Variants in FLT3 observed in about 807,000 individuals in gnomAD.
The protein encoded by FLT3 is receptor-type tyrosine-protein kinase FLT3.
A neutral mutation model predicts 126.6 loss-of-function variants in FLT3; 46 were observed. The ratio of observed to expected loss-of-function variants is 0.36; its 90% CI spans 0.29 to 0.46. The LOEUF (loss-of-function observed/expected upper bound fraction) is 0.46. Ranked by LOEUF, FLT3 falls within the 20% of genes least tolerant of loss-of-function variation. FLT3 has a pLI of 1.00. For missense variants in FLT3, 1,069 were observed against 1,190.3 expected (o/e 0.90, Z 1.50); for synonymous variants, 404 against 434.4 (o/e 0.93, Z 0.87).
At chr13:28,091,301 A>T (rs952894018) in intron 1 of FLT3, among the ~76,000 whole-genome samples, 3 of 127,750 alleles carry the variant, frequency 2.3e-5, no homozygotes, top group East Asian at 2.3e-4. Flanking sequence ...GGCTCACTGC[A>T]AGCTCCGCCT....
chr13:28,038,865 A>T (rs1332851730), intron 9 of FLT3, among the ~76,000 whole-genome samples: 1 of 152,174 alleles, frequency 6.6e-6, no homozygotes, highest in Non-Finnish European at 1.5e-5. Flanking sequence ...AGACCTAAAA[A>T]GTAGGTAGCT....
At chr13:28,048,958 T>C (rs1234153690) in intron 8 of FLT3, among the ~76,000 whole-genome samples, 1 of 152,220 alleles carries the variant, frequency 6.6e-6, no homozygotes, top group Non-Finnish European at 1.5e-5. Context: ...AAAATTTCAG[T>C]GCATCTAAGG....
In FLT3 at chr13:28,088,487, C is replaced by T. The variant is rs150304683; in HGVS notation, c.43+11981G>A. 5.7e-3 allele frequency among the ~76,000 whole-genome samples: 864 copies of T among 151,942 alleles called. 11 individuals carry two copies. The highest frequency in any genetic ancestry group is 0.02 in the African/African-American group (818 of 41,468). ...ATTTTTACTAGAGACAGGGTTTTGC[C>T]ATGTTGGCCAGGCTGGTCTTGAACT... On this transcript the variant is annotated intron_variant, in intron 1 of 23. Coordinates refer to ENST00000241453, the MANE Select transcript of FLT3 (RefSeq NM_004119.3).
chr13:28,055,075 C>G (rs911625690), intron 4 of FLT3, among the ~76,000 whole-genome samples: 2 of 152,032 alleles, frequency 1.3e-5, no homozygotes, highest in African/African-American at 4.8e-5. Flanking sequence ...TTTACTTTTT[C>G]TCCCTGTAAT....
intron 23 of FLT3, 42 bp downstream of exon 23, chr13:28,014,410 A>T (rs771726006): frequency 1.4e-6 from 2 of 1,381,680 alleles, no homozygotes; most frequent in Non-Finnish European, 2.1e-6. Flanking sequence ...TAATTTACCA[A>T]TTTCCTTTGT....
intron 5 of FLT3, 151 bp from the exon 6 acceptor site, chr13:28,050,373 G>C: frequency 1.4e-6 from 1 of 693,644 alleles, no homozygotes; most frequent in Non-Finnish European, 2.4e-6. Flanking sequence ...TATGGTTTCA[G>C]CTAAGAGCTC....
At chr13:28,057,317 G>A (rs772118022) in intron 4 of FLT3, 30 bp downstream of exon 4, 1 of 938,626 alleles carries the variant, frequency 1.1e-6, no homozygotes, top group Non-Finnish European at 1.8e-6. Flanking sequence ...GGTATTCCAG[G>A]CTGGAATACT....
intron 3 of FLT3, among the ~76,000 whole-genome samples, chr13:28,058,180 G>A (rs1876184960): frequency 7.3e-6 from 1 of 136,506 alleles, no homozygotes; most frequent in Admixed American, 7.9e-5. Context: ...GCCACATAGT[G>A]AGACCCTACC....
At chr13:28,062,098 C>A (rs763575237) in intron 2 of FLT3, 29 bp from the exon 3 acceptor site, 3 of 1,571,764 alleles carry the variant, frequency 1.9e-6, no homozygotes, top group South Asian at 2.2e-5. Context: ...AAAGTGAATT[C>A]ATGAAAACTG....
chr13:28,029,253 G>A (rs910393868), intron 15 of FLT3, among the ~76,000 whole-genome samples: 4 of 152,136 alleles, frequency 2.6e-5, no homozygotes, highest in Admixed American at 6.5e-5. Flanking sequence ...TTAGCCGGGC[G>A]TGCCGGTGCG....
intron 1 of FLT3, among the ~76,000 whole-genome samples, chr13:28,091,346 C>G (rs1229506715): frequency 2.0e-5 from 3 of 147,916 alleles, no homozygotes; most frequent in Non-Finnish European, 3.0e-5. Context: ...CTCAGCCTCC[C>G]GAGTAGCTGG....
At chr13:28,084,545 G>A (rs1878527168) in intron 1 of FLT3, among the ~76,000 whole-genome samples, 1 of 151,652 alleles carries the variant, frequency 6.6e-6, no homozygotes, top group Admixed American at 6.6e-5. Context: ...TTTTTGTAGA[G>A]ATGGGGATTT....
rs761166953 is a variant in FLT3 at position 28,034,692 on chromosome 13, C to T, written c.1598-285G>A. 4.6e-5 allele frequency among the ~76,000 whole-genome samples: 7 copies of T among 152,168 alleles called. No homozygotes were observed. In the East Asian group the frequency reaches 7.7e-4, roughly 17 times the overall value. ...CATCTGGTCCAGGCACGATGGCTCA[C>T]GCCTGTAGTCCCAGCACTTTGGGAG... is the stretch of plus-strand genomic sequence containing the variant. On this transcript the variant is annotated intron_variant, in intron 12 of 23. Coordinates refer to ENST00000241453, the MANE Select transcript of FLT3 (RefSeq NM_004119.3).
At chr13:28,011,751 CTCTT>C (rs1871408834) in intron 23 of FLT3, among the ~76,000 whole-genome samples, 1 of 144,052 alleles carries the variant, frequency 6.9e-6, no homozygotes, top group African/African-American at 2.6e-5. Flanking sequence ...TTTTTTTTCT[CTCTT>C]TCTCTTTCTT....
chr13:28,040,588 G>C (rs927019163), intron 9 of FLT3, among the ~76,000 whole-genome samples: 2 of 152,110 alleles, frequency 1.3e-5, no homozygotes, highest in African/African-American at 4.8e-5. Context: ...TTGAGCCCAC[G>C]TTTGTGTGAC....
At position 28,100,366 on chromosome 13, in the gene FLT3, G is replaced by A. The variant is rs1295994613; in HGVS notation, c.43+102C>T. The stretch of plus-strand genomic sequence containing the variant: ...CAATGGAAGGAGCGAGCGCGGGGAG[G>A]AGCGAGGCGGCTGGGCCGGAGGAGG... On this transcript the variant is annotated intron_variant, in intron 1 of 23. Transcript: ENST00000241453. This position sits in a 1 kb window ranked among gnomAD's most constrained non-coding sequence, Gnocchi z 4.8. The A allele has an allele frequency of 9.9e-6, 8 of 806,898 alleles. No homozygotes were observed. Among genetic ancestry groups the A allele is most frequent in the East Asian group, 3.6e-5 (1 of 27,812 alleles). 50.0% of individuals were successfully genotyped at this position (806,898 alleles called of 1,614,324 possible). A position where few individuals can be genotyped will look rare whatever the true frequency, so the allele number is the denominator to read the frequency against.
In FLT3 at chr13:28,071,128, G is replaced by A. The variant is rs1234680756; in HGVS notation, c.44-516C>T. Among the ~76,000 whole-genome samples the A allele has an allele frequency of 1.7e-4, 25 of 150,818 alleles. No homozygotes were observed. The Admixed American group carries it at 1.7e-3, about 10-fold the overall frequency. ...TCCTGTCTCAGCCTCCCGAGTGGCT[G>A]GGATTACAGGTGCCCGTCACCGTGC... On this transcript the variant is annotated intron_variant, in intron 1 of 23. Coordinates refer to ENST00000241453, the MANE Select transcript of FLT3 (RefSeq NM_004119.3).
chr13:28,091,446 C>G (rs1211533756), intron 1 of FLT3, among the ~76,000 whole-genome samples: 3 of 150,826 alleles, frequency 2.0e-5, no homozygotes, highest in Non-Finnish European at 3.0e-5. Context: ...TGGTCTCGAT[C>G]TCCTGACCTC....
intron 1 of FLT3, among the ~76,000 whole-genome samples, chr13:28,094,188 A>G (rs1198409053): frequency 6.6e-6 from 1 of 152,228 alleles, no homozygotes; most frequent in Non-Finnish European, 1.5e-5. Flanking sequence ...GTCCTAATAT[A>G]TCTATGGGCA....
Sources: allele counts gnomAD v4.1 joint callset (sites outside exome capture counted in the v4.1 genomes callset), GRCh38; gene constraint gnomAD v4.1.1; non-coding constraint Gnocchi (gnomAD v3.1); transcripts MANE v1.5; gene names NCBI Gene and HGNC (gene_info 2026-07-23, HGNC 2026-07-21).